Variants in SRRM4 observed in about 807,000 individuals in gnomAD.
SRRM4 encodes serine/arginine repetitive matrix 4.
A neutral mutation model predicts 68.9 loss-of-function variants in SRRM4; 33 were observed. That is an observed-to-expected ratio of 0.48 (90% CI 0.36 to 0.64). The LOEUF is 0.64. Among genes scored for constraint, SRRM4 ranks in the 30% least tolerant of loss-of-function variants. The pLI is 0.00. For synonymous variants in SRRM4, 318 were observed against 318.8 expected (o/e 1.00, Z 0.03); for missense variants, 817 against 827.1 (o/e 0.99, Z 0.15).
Position 118,981,793 on chromosome 12 carries a change from G to C in SRRM4, c.-90G>C. 2 of 1,435,408 alleles carry C rather than the reference G, an allele frequency of 1.4e-6. No homozygotes were observed. The highest frequency in any genetic ancestry group is 1.9e-6 in the Non-Finnish European group (2 of 1,068,410). The allele number at this position is 1,435,408 out of a possible 1,614,324, so 88.9% of individuals were successfully genotyped here. The stretch of plus-strand genomic sequence containing the variant: ...CCCCTCTCTGGGTTTCACCCGGACA[G>C]AGCCGGGAGCTGGGTGTCGCCCCCG... On this transcript the variant is annotated 5_prime_UTR_variant, in exon 1 of 13. Transcript: ENST00000267260.
intron 1 of SRRM4, among the ~76,000 whole-genome samples, chr12:119,035,344 GAA>G (rs902692917): frequency 4.6e-5 from 7 of 152,086 alleles, no homozygotes; most frequent in Admixed American, 4.6e-4. Flanking sequence ...ATTGAAACTG[GAA>G]AAGTTTGACC....
intron 1 of SRRM4, among the ~76,000 whole-genome samples, chr12:119,000,272 A>G (rs1953375973): frequency 6.6e-6 from 1 of 152,216 alleles, no homozygotes; most frequent in Non-Finnish European, 1.5e-5. Flanking sequence ...CTGCCCAGCC[A>G]CACACCTCGG....
chr12:119,074,230 G>A (rs761966728), intron 1 of SRRM4, among the ~76,000 whole-genome samples: 2 of 151,952 alleles, frequency 1.3e-5, no homozygotes, highest in South Asian at 2.1e-4. Context: ...CATTTACTGG[G>A]TATTTCTGAT....
chr12:119,090,966 T>C (rs949130060), intron 1 of SRRM4, among the ~76,000 whole-genome samples: 1 of 152,262 alleles, frequency 6.6e-6, no homozygotes, highest in African/African-American at 2.4e-5. Context: ...CTTCTTGCTG[T>C]GTTATTTTAA....
chr12:119,007,764 G>T (rs1201402162), intron 1 of SRRM4, among the ~76,000 whole-genome samples: 1 of 152,088 alleles, frequency 6.6e-6, no homozygotes, highest in Non-Finnish European at 1.5e-5. Flanking sequence ...GGGAGTGAGG[G>T]TTTAGCAGCA....
Position 119,054,559 on chromosome 12 carries a change from C to A in SRRM4, c.132-47677C>A, listed in dbSNP as rs533261693. Among the ~76,000 whole-genome samples the A allele has an allele frequency of 3.9e-5, 6 of 152,252 alleles. No homozygotes were observed. In the East Asian group the frequency reaches 1.2e-3, roughly 29 times the overall value. On this transcript the variant is annotated intron_variant, in intron 1 of 12. Transcript: ENST00000267260. ...TTTCCTACATTTTGTGGACCTACAG[C>A]AAAGTTTTGTTGTTGATGATGAGGG...
At chr12:119,124,662 G>C (rs1439236128) in intron 6 of SRRM4, among the ~76,000 whole-genome samples, 1 of 152,074 alleles carries the variant, frequency 6.6e-6, no homozygotes, top group African/African-American at 2.4e-5. Flanking sequence ...GTAGTAATTG[G>C]TGTTGTTCTA....
chr12:119,044,377 A>T (rs980214874), intron 1 of SRRM4, among the ~76,000 whole-genome samples: 1 of 152,198 alleles, frequency 6.6e-6, no homozygotes, highest in Admixed American at 6.5e-5. Flanking sequence ...GGGCAGGTAC[A>T]GACAGTAGCA....
At chr12:119,009,612 C>T (rs1340268570) in intron 1 of SRRM4, among the ~76,000 whole-genome samples, 3 of 152,288 alleles carry the variant, frequency 2.0e-5, no homozygotes, top group East Asian at 3.9e-4. Context: ...AACTACTTCA[C>T]CTCTCTGAGG....
intron 1 of SRRM4, among the ~76,000 whole-genome samples, chr12:119,045,564 T>A (rs1953701835): frequency 7.1e-6 from 1 of 141,532 alleles, no homozygotes; most frequent in South Asian, 2.4e-4. Context: ...GCCAACTCCA[T>A]GTGGCTGGTG....
intron 1 of SRRM4, among the ~76,000 whole-genome samples, chr12:119,066,463 T>C (rs930255269): frequency 2.0e-5 from 3 of 152,208 alleles, no homozygotes; most frequent in African/African-American, 7.2e-5. Flanking sequence ...GTGGCCCCCA[T>C]GTCAGCAGAA....
intron 1 of SRRM4, among the ~76,000 whole-genome samples, chr12:119,017,417 C>T (rs1234922866): frequency 1.3e-5 from 2 of 152,212 alleles, no homozygotes; most frequent in South Asian, 4.1e-4. Flanking sequence ...ACCTCTGGAG[C>T]TTTGACTAAG....
chr12:119,126,314 G>A (rs1464516428), intron 7 of SRRM4, among the ~76,000 whole-genome samples: 4 of 151,940 alleles, frequency 2.6e-5, no homozygotes, highest in Non-Finnish European at 5.9e-5. Flanking sequence ...GTGAGCCACC[G>A]CCCCCAGCTC....
chr12:119,126,148 A>G (rs7138303), intron 7 of SRRM4, among the ~76,000 whole-genome samples: 82,443 of 147,692 alleles, frequency 0.56, 23,105 homozygotes, highest in South Asian at 0.63. Context: ...CTCAGCCTCC[A>G]GAGTAGCTGG....
intron 1 of SRRM4, among the ~76,000 whole-genome samples, chr12:119,017,816 C>T (rs982029788): frequency 2.6e-5 from 4 of 152,152 alleles, no homozygotes; most frequent in Admixed American, 2.6e-4. Flanking sequence ...TGCCTCACTC[C>T]TCTCAGCTTA....
intron 1 of SRRM4, among the ~76,000 whole-genome samples, chr12:119,013,482 C>T (rs1003309666): frequency 6.6e-6 from 1 of 152,016 alleles, no homozygotes; most frequent in Non-Finnish European, 1.5e-5. Context: ...TATTAAAAAA[C>T]CCCAAAATTT....
chr12:119,069,997 G>C (rs915168750), intron 1 of SRRM4, among the ~76,000 whole-genome samples: 2 of 152,126 alleles, frequency 1.3e-5, no homozygotes, highest in African/African-American at 4.8e-5. Flanking sequence ...GCGGGGAGGT[G>C]TTAGGGGCCG....
At chr12:119,130,863 AG>A in intron 8 of SRRM4, 29 bp downstream of exon 8, 1 of 1,593,582 alleles carries the variant, frequency 6.3e-7, no homozygotes, top group South Asian at 1.1e-5. Context: ...CTCCTCTGCC[AG>A]CCTTGGCCAC....
intron 1 of SRRM4, among the ~76,000 whole-genome samples, chr12:119,004,067 A>G (rs942136010): frequency 7.9e-5 from 12 of 152,130 alleles, no homozygotes; most frequent in East Asian, 2.0e-4. Context: ...GCTTCTAAAA[A>G]TGAGTCATGT....
Sources: allele counts gnomAD v4.1 joint callset (sites outside exome capture counted in the v4.1 genomes callset), GRCh38; gene constraint gnomAD v4.1.1; transcripts MANE v1.5; gene names NCBI Gene and HGNC (gene_info 2026-07-23, HGNC 2026-07-21).